The following ARHGEF28 variants were observed in gnomAD, a reference collection of about 807,000 sequenced individuals.
ARHGEF28 encodes Rho guanine nucleotide exchange factor 28.
Under a neutral mutation model 206.6 loss-of-function variants are expected in ARHGEF28, and 152 were observed. The observed-to-expected ratio is 0.74, with a 90% CI of 0.64 to 0.84. The LOEUF (loss-of-function observed/expected upper bound fraction) is 0.84, where lower values mean the gene tolerates loss of function less well. Ranked by LOEUF, ARHGEF28 falls within the 40% of genes least tolerant of loss-of-function variation. ARHGEF28 has a pLI of 0.00. For missense variants in ARHGEF28, 2,028 were observed against 2,073.2 expected, an observed-to-expected ratio of 0.98 and a Z score of 0.42; for synonymous variants, 763 against 776.4, an observed-to-expected ratio of 0.98 and a Z score of 0.29.
At chr5:73,931,741 TTTTC>T (rs1459337184) in intron 35 of ARHGEF28, among the ~76,000 whole-genome samples, 2 of 152,216 alleles carry the variant, frequency 1.3e-5, no homozygotes, top group Non-Finnish European at 2.9e-5. Context: ...TTTTTGGAAG[TTTTC>T]TTCAGCTTTC....
rs190071461 is a variant in ARHGEF28, at chr5:73,885,333, T to C, written c.3056-517T>C. 1.0e-3 allele frequency among the ~76,000 whole-genome samples: 157 copies of C among 152,224 alleles called. 1 individual carries two copies. In the East Asian group the frequency reaches 0.024, roughly 24 times the overall value. On this transcript the variant is annotated intron_variant, in intron 24 of 35. Coordinates refer to ENST00000513042, the MANE Select transcript of ARHGEF28 (RefSeq NM_001177693.2). ...TGCCCTAGGGAGAAGGTCAGACCCATCCCTAGAACTCAGACATCTTACTGT... is the reference window on the plus strand; with the variant it reads ...TGCCCTAGGGAGAAGGTCAGACCCACCCCTAGAACTCAGACATCTTACTGT...
At chr5:73,727,934 C>T (rs1179852830) in intron 2 of ARHGEF28, among the ~76,000 whole-genome samples, 1 of 152,166 alleles carries the variant, frequency 6.6e-6, no homozygotes, top group Non-Finnish European at 1.5e-5. Flanking sequence ...AAACTGCTGC[C>T]CCATCCTGAG....
chr5:73,844,286 G>T (rs1299143885), intron 11 of ARHGEF28, among the ~76,000 whole-genome samples: 1 of 152,150 alleles, frequency 6.6e-6, no homozygotes, highest in Non-Finnish European at 1.5e-5. Flanking sequence ...ATTGCGGGCT[G>T]CCAATCATTT....
Position 73,773,907 on chromosome 5 carries a change from T to C in ARHGEF28, c.528T>C (p.Ala176=). 1 of 1,609,228 alleles carries C rather than the reference T, an allele frequency of 6.2e-7. No homozygotes were observed. The highest frequency in any genetic ancestry group is 8.5e-7 in the Non-Finnish European group (1 of 1,177,698). Reference sequence around the variant, plus strand: ...ACCTGGCTATGAGATGGGGCCTGGCTAAACTTTCCCAGTTCTTCTTGTGTC... The same window carrying C: ...ACCTGGCTATGAGATGGGGCCTGGCCAAACTTTCCCAGTTCTTCTTGTGTC... The part of the protein sequence containing the change: ...LLHLAMRWGL[A]KLSQFFLCLP... Residue 176 remains alanine (A), a synonymous_variant, in exon 5 of 36, where the codon GCT becomes GCC. Transcript: ENST00000513042.
chr5:73,868,729 C>G (rs971108146), intron 20 of ARHGEF28, among the ~76,000 whole-genome samples: 4 of 152,000 alleles, frequency 2.6e-5, no homozygotes, highest in African/African-American at 9.7e-5. Context: ...TCATTGCAAC[C>G]TCGAGCTCCC....
chr5:73,830,020 C>T (rs905359649), intron 9 of ARHGEF28, among the ~76,000 whole-genome samples: 53 of 152,006 alleles, frequency 3.5e-4, no homozygotes, highest in African/African-American at 1.2e-3. Flanking sequence ...TCTTTTTGGC[C>T]TGGTGTTCAT....
intron 33 of ARHGEF28, among the ~76,000 whole-genome samples, chr5:73,906,914 T>C (rs922558649): frequency 6.6e-6 from 1 of 152,254 alleles, no homozygotes; most frequent in African/African-American, 2.4e-5. Context: ...TTTCCATTGA[T>C]ATTTTGAAGT....
chr5:73,857,136 G>A (rs1012429356), intron 14 of ARHGEF28, among the ~76,000 whole-genome samples: 1 of 152,108 alleles, frequency 6.6e-6, no homozygotes, highest in African/African-American at 2.4e-5. Context: ...TGCACCGAGT[G>A]GCAGTCAGTC....
In ARHGEF28 at chr5:73,910,832, TG is replaced by T. The variant is rs560743651; in HGVS notation, c.4648-442del. On this transcript the variant is annotated intron_variant, in intron 34 of 35. Coordinates refer to ENST00000513042, the MANE Select transcript of ARHGEF28 (RefSeq NM_001177693.2). ...TATTTTCCTGTGTTATGTGCATGTATGTTTTTTTACTGATAGTGCCTAAAGT... is the reference window on the plus strand; with the variant it reads ...TATTTTCCTGTGTTATGTGCATGTATTTTTTTTACTGATAGTGCCTAAAGT... Among the ~76,000 whole-genome samples the T allele has an allele frequency of 3.0e-3, 459 of 152,348 alleles. 2 individuals carry two copies. The highest frequency in any genetic ancestry group is 0.011 in the African/African-American group (439 of 41,582).
At chr5:73,734,053 A>AT (rs1750762023) in intron 2 of ARHGEF28, among the ~76,000 whole-genome samples, 1 of 152,174 alleles carries the variant, frequency 6.6e-6, no homozygotes, top group Non-Finnish European at 1.5e-5. Flanking sequence ...CCATTCATGA[A>AT]GGAGCTACCC....
intron 9 of ARHGEF28, among the ~76,000 whole-genome samples, chr5:73,815,172 T>G (rs1007721427): frequency 2.7e-5 from 4 of 146,630 alleles, no homozygotes; most frequent in Admixed American, 1.4e-4. Flanking sequence ...TGTAACTTAC[T>G]GTTAAATGAT....
intron 4 of ARHGEF28, 25 bp from the exon 5 acceptor site, chr5:73,773,829 TA>T: frequency 6.4e-7 from 1 of 1,551,326 alleles, no homozygotes; most frequent in Non-Finnish European, 8.7e-7. Flanking sequence ...GAGGAACTAA[TA>T]TGGTATGTGT....
At chr5:73,821,193 A>G (rs980547118) in intron 9 of ARHGEF28, among the ~76,000 whole-genome samples, 2 of 152,158 alleles carry the variant, frequency 1.3e-5, no homozygotes, top group African/African-American at 4.8e-5. Flanking sequence ...GGGCTTCTCA[A>G]CCAGAAGAAA....
chr5:73,682,458 C>A (rs1747172237), intron 1 of ARHGEF28, among the ~76,000 whole-genome samples: 1 of 148,250 alleles, frequency 6.7e-6, no homozygotes, highest in Admixed American at 6.7e-5. Context: ...ACTCTTATTG[C>A]CCAGGCTGGA....
chr5:73,721,494 T>TC (rs1223855112), intron 2 of ARHGEF28, among the ~76,000 whole-genome samples: 1 of 152,098 alleles, frequency 6.6e-6, no homozygotes, highest in Non-Finnish European at 1.5e-5. Flanking sequence ...AGGTATATTT[T>TC]CCCCCCAGAA....
At chr5:73,855,916 T>C (rs567706763) in intron 14 of ARHGEF28, among the ~76,000 whole-genome samples, 1 of 152,272 alleles carries the variant, frequency 6.6e-6, no homozygotes, top group East Asian at 1.9e-4. Flanking sequence ...AATAGTTTAG[T>C]TGTGTTCCTG....
intron 29 of ARHGEF28, among the ~76,000 whole-genome samples, chr5:73,895,783 T>C (rs1761929058): frequency 6.6e-6 from 1 of 152,214 alleles, no homozygotes; most frequent in Non-Finnish European, 1.5e-5. Flanking sequence ...ACAGACTGTT[T>C]AGTCCACAAA....
At chr5:73,855,186 T>C (rs988007785) in intron 14 of ARHGEF28, among the ~76,000 whole-genome samples, 11 of 152,320 alleles carry the variant, frequency 7.2e-5, no homozygotes, top group Middle Eastern at 3.4e-3. Context: ...AAGTGCCTGA[T>C]TTTGATATAG....
intron 7 of ARHGEF28, among the ~76,000 whole-genome samples, chr5:73,787,083 A>G (rs150842024): frequency 6.6e-6 from 1 of 152,254 alleles, no homozygotes; most frequent in East Asian, 1.9e-4. Flanking sequence ...AAGATTTTTC[A>G]TTTGAGACAC....
Sources: gnomAD v4.1 joint callset for allele counts (sites outside exome capture counted in the v4.1 genomes callset) on GRCh38, gnomAD v4.1.1 for gene constraint, MANE v1.5 for transcripts, NCBI Gene and HGNC (gene_info 2026-07-23, HGNC 2026-07-21) for gene names.